The following PACRG variants were observed in gnomAD, a reference collection of about 807,000 sequenced individuals.
PACRG encodes parkin coregulated gene protein.
Under a neutral mutation model 29.7 loss-of-function variants are expected in PACRG, and 29 were observed. The ratio of observed to expected loss-of-function variants is 0.98; its 90% CI spans 0.73 to 1.33. The LOEUF is 1.33. Among genes scored for constraint, PACRG ranks in the 40% most tolerant of loss-of-function variants. The pLI, the probability that PACRG is intolerant of heterozygous loss-of-function variation, is 0.00. For missense variants in PACRG, 279 were observed against 316.2 expected (o/e 0.88, Z 0.89); for synonymous variants, 116 against 118.7 (o/e 0.98, Z 0.15).
intron 2 of PACRG, among the ~76,000 whole-genome samples, chr6:162,889,204 G>A (rs986710608): frequency 1.3e-5 from 2 of 151,982 alleles, no homozygotes; most frequent in Admixed American, 1.3e-4. Flanking sequence ...ATGAAGAACT[G>A]TATGTTATTC....
intron 4 of PACRG, among the ~76,000 whole-genome samples, chr6:163,259,120 A>G (rs1431443348): frequency 1.3e-5 from 2 of 152,186 alleles, no homozygotes; most frequent in African/African-American, 4.8e-5. Flanking sequence ...AATTTACATA[A>G]GGTCATTAAG....
chr6:163,053,043 C>A (rs891545990), intron 2 of PACRG, among the ~76,000 whole-genome samples: 5 of 152,118 alleles, frequency 3.3e-5, no homozygotes, highest in African/African-American at 1.2e-4. Flanking sequence ...CTGTGTCCCT[C>A]TGAAAGCAAT....
At chr6:162,727,771 G>T (rs1779377524), upstream of PACRG, 1 of 1,232,314 alleles carries the variant, frequency 8.1e-7, no homozygotes, top group Non-Finnish European at 1.2e-6. Context: ...AATCCTCCAG[G>T]CCTCCCCGCC....
At chr6:162,734,329 T>A (rs553789841) in intron 1 of PACRG, among the ~76,000 whole-genome samples, 63 of 152,302 alleles carry the variant, frequency 4.1e-4, no homozygotes, top group African/African-American at 1.4e-3. Flanking sequence ...TTACTTTTAA[T>A]TTTTTATTTT....
chr6:162,828,417 T>C (rs1701091892), intron 2 of PACRG, among the ~76,000 whole-genome samples: 1 of 152,222 alleles, frequency 6.6e-6, no homozygotes. Flanking sequence ...TTGGTGCTCA[T>C]GTAACTTGTA....
intron 4 of PACRG, among the ~76,000 whole-genome samples, chr6:163,175,155 C>T (rs1460676329): frequency 6.6e-6 from 1 of 152,130 alleles, no homozygotes; most frequent in African/African-American, 2.4e-5. Flanking sequence ...ATCTGTTTGA[C>T]CACTAGGAAA....
At chr6:162,888,774 T>C (rs568674016) in intron 2 of PACRG, among the ~76,000 whole-genome samples, 1 of 152,136 alleles carries the variant, frequency 6.6e-6, no homozygotes, top group South Asian at 2.1e-4. Flanking sequence ...CCTTCCTCTT[T>C]GGAAAACCCA....
chr6:163,194,225 A>G (rs1780346703), intron 4 of PACRG, among the ~76,000 whole-genome samples: 1 of 152,128 alleles, frequency 6.6e-6, no homozygotes, highest in African/African-American at 2.4e-5. Context: ...TGTAGCTCAT[A>G]GACTCAGTGC....
intron 2 of PACRG, among the ~76,000 whole-genome samples, chr6:162,821,797 G>A (rs1349611497): frequency 6.6e-6 from 1 of 152,132 alleles, no homozygotes; most frequent in East Asian, 1.9e-4. Flanking sequence ...TTAATGAACA[G>A]TTCGCTCCTG....
intron 1 of PACRG, among the ~76,000 whole-genome samples, chr6:162,731,889 A>G (rs969903449): frequency 8.5e-5 from 13 of 152,260 alleles, no homozygotes; most frequent in East Asian, 7.7e-4. Context: ...TAGAAGTTCA[A>G]TTTTGTAGGC....
At chr6:162,735,064 A>G (rs539460034) in intron 1 of PACRG, among the ~76,000 whole-genome samples, 1 of 152,186 alleles carries the variant, frequency 6.6e-6, no homozygotes, top group African/African-American at 2.4e-5. Context: ...GCATACAACT[A>G]TAGTTGTAAG....
At chr6:162,921,440 T>C (rs1205619017) in intron 2 of PACRG, among the ~76,000 whole-genome samples, 1 of 152,208 alleles carries the variant, frequency 6.6e-6, no homozygotes, top group African/African-American at 2.4e-5. Context: ...TGATTTGTTT[T>C]CTGGCTTCCT....
chr6:163,071,140 A>G (rs1812007132), intron 3 of PACRG, among the ~76,000 whole-genome samples: 1 of 152,138 alleles, frequency 6.6e-6, no homozygotes, highest in Admixed American at 6.5e-5. Flanking sequence ...CAGATCTTCC[A>G]GACAGAAAAT....
intron 4 of PACRG, among the ~76,000 whole-genome samples, chr6:163,177,829 A>G (rs990125600): frequency 1.3e-4 from 20 of 148,912 alleles, no homozygotes; most frequent in African/African-American, 5.0e-4. Flanking sequence ...GCACGTCCAA[A>G]CAGCACACAT....
intron 2 of PACRG, among the ~76,000 whole-genome samples, chr6:162,946,849 CA>C (rs1303766654): frequency 6.6e-6 from 1 of 151,990 alleles, no homozygotes; most frequent in Non-Finnish European, 1.5e-5. Flanking sequence ...CATGATACAT[CA>C]AATCAACAGA....
intron 1 of PACRG, among the ~76,000 whole-genome samples, chr6:162,801,405 G>A (rs561395863): frequency 1.3e-5 from 2 of 152,108 alleles, no homozygotes; most frequent in African/African-American, 2.4e-5. Context: ...CACCATGCCT[G>A]GCTAATTTTC....
intron 2 of PACRG, among the ~76,000 whole-genome samples, chr6:162,955,696 T>C (rs1214924212): frequency 6.6e-6 from 1 of 152,206 alleles, no homozygotes; most frequent in African/African-American, 2.4e-5. Flanking sequence ...CGTTTTGATA[T>C]TCTCTTTGTT....
chr6:162,974,353 A>G (rs1801776728), intron 2 of PACRG, among the ~76,000 whole-genome samples: 1 of 152,244 alleles, frequency 6.6e-6, no homozygotes, highest in Non-Finnish European at 1.5e-5. Flanking sequence ...ATTGGGCAAA[A>G]TACAGCAATG....
At chr6:163,071,788 G>A (rs1253118338) in intron 3 of PACRG, among the ~76,000 whole-genome samples, 9 of 151,530 alleles carry the variant, frequency 5.9e-5, no homozygotes, top group African/African-American at 2.2e-4. Flanking sequence ...GATCATTGGT[G>A]GGTACAATAA....
Sources: gnomAD v4.1 joint callset for allele counts (sites outside exome capture counted in the v4.1 genomes callset) on GRCh38, gnomAD v4.1.1 for gene constraint, MANE v1.5 for transcripts, NCBI Gene and HGNC (gene_info 2026-07-23, HGNC 2026-07-21) for gene names.